RFC1: variants seen among roughly 807,000 people sequenced by gnomAD.
RFC1 encodes A1 140 kDa subunit.
Under a neutral mutation model 137.4 loss-of-function variants are expected in RFC1, and 37 were observed. That is an observed-to-expected ratio of 0.27 (90% CI 0.21 to 0.35). The LOEUF (loss-of-function observed/expected upper bound fraction) is 0.35, where lower values mean the gene tolerates loss of function less well. RFC1 is among the 10% of genes least tolerant of loss of function. The pLI is 1.00. For missense variants in RFC1, 1,205 were observed against 1,358.5 expected (o/e 0.89, Z 1.78); for synonymous variants, 429 against 455.7 (o/e 0.94, Z 0.75).
At chr4:39,337,596 A>G (rs970599703) in intron 4 of RFC1, among the ~76,000 whole-genome samples, 2 of 152,146 alleles carry the variant, frequency 1.3e-5, no homozygotes, top group Admixed American at 1.3e-4. Context: ...AAGTATAATC[A>G]AAAAAATACA....
At chr4:39,321,414 G>GA (rs758009993) in intron 7 of RFC1, 40 bp from the exon 8 acceptor site, 7 of 1,555,566 alleles carry the variant, frequency 4.5e-6, no homozygotes, top group Non-Finnish European at 6.2e-6. Flanking sequence ...ACAAATAATA[G>GA]AAAAACTATT....
chr4:39,332,989 C>T (rs1443996951), intron 4 of RFC1, among the ~76,000 whole-genome samples: 1 of 152,138 alleles, frequency 6.6e-6, no homozygotes, highest in Non-Finnish European at 1.5e-5. Flanking sequence ...AGGCTAAGTG[C>T]CCAGTGTAGC....
At chr4:39,358,921 T>A (rs149770252) in intron 1 of RFC1, among the ~76,000 whole-genome samples, 6 of 152,294 alleles carry the variant, frequency 3.9e-5, no homozygotes, top group Non-Finnish European at 7.4e-5. Context: ...TGTCTGTTTC[T>A]CCAGACCAGC....
chr4:39,350,568 A>T (rs1741134998), intron 2 of RFC1, among the ~76,000 whole-genome samples: 1 of 152,098 alleles, frequency 6.6e-6, no homozygotes, highest in Admixed American at 6.5e-5. Context: ...AAGCCAAAAA[A>T]CAGTGGAACA....
rs79242843 is a variant in RFC1, at chr4:39,357,376, A to G, written c.4-5900T>C. ...GACTACGCATTCAATGAAATACTCT[A>G]TCACAGAAGTTTCCAGGTACCTGAT... On this transcript the variant is annotated intron_variant, in intron 1 of 24. Coordinates refer to ENST00000349703, the MANE Select transcript of RFC1 (RefSeq NM_002913.5). Among the ~76,000 whole-genome samples the G allele has an allele frequency of 3.2e-3, 490 of 152,336 alleles. 2 individuals carry two copies. The highest frequency in any genetic ancestry group is 0.011 in the African/African-American group (470 of 41,564).
At chr4:39,346,689 TTGCAAGAAAA>T (rs1740878663) in intron 2 of RFC1, among the ~76,000 whole-genome samples, 1 of 152,088 alleles carries the variant, frequency 6.6e-6, no homozygotes, top group Non-Finnish European at 1.5e-5. Flanking sequence ...ATCAACTAGC[TTGCAAGAAAA>T]TGGAACAAAT....
intron 4 of RFC1, among the ~76,000 whole-genome samples, chr4:39,330,284 A>C (rs532163216): frequency 6.6e-6 from 1 of 152,324 alleles, no homozygotes; most frequent in South Asian, 2.1e-4. Flanking sequence ...AAAAGGATTC[A>C]GCCTTACCTT....
intron 1 of RFC1, among the ~76,000 whole-genome samples, chr4:39,355,102 CA>C (rs1741403915): frequency 2.1e-5 from 1 of 46,850 alleles, no homozygotes; most frequent in Non-Finnish European, 5.2e-5. Context: ...AAAAAATACA[CA>C]CACACACACA....
intron 1 of RFC1, among the ~76,000 whole-genome samples, chr4:39,354,614 A>G (rs530536902): frequency 4.9e-4 from 74 of 152,220 alleles, no homozygotes; most frequent in African/African-American, 1.5e-3. Context: ...TGCCATAAAC[A>G]AAGTTAAAAT....
At chr4:39,294,117 T>A (rs1737844186) in intron 22 of RFC1, among the ~76,000 whole-genome samples, 1 of 152,192 alleles carries the variant, frequency 6.6e-6, no homozygotes, top group South Asian at 2.1e-4. Context: ...TCTTGATAAA[T>A]TTGTGTTGTT....
At chr4:39,327,862 T>A (rs1358331829) in intron 4 of RFC1, 106 bp from the exon 5 acceptor site, 3 of 854,124 alleles carry the variant, frequency 3.5e-6, no homozygotes, top group Non-Finnish European at 3.5e-6. Context: ...CTAGACATGG[T>A]GGCTCATGCT....
Position 39,288,916 on chromosome 4 carries a change from ACAAAT to A in RFC1, c.3361-77_3361-73del, listed in dbSNP as rs1737516212. ...TAAATGAAATAAGTTCATCTCTATA[ACAAAT>A]CTAATCTTTACCTGCAACTTAATTA... On this transcript the variant is annotated intron_variant, in intron 24 of 24. Coordinates refer to ENST00000349703, the MANE Select transcript of RFC1 (RefSeq NM_002913.5). 34 of 968,616 alleles carry A rather than the reference ACAAAT, an allele frequency of 3.5e-5. No homozygotes were observed. In the South Asian group the frequency reaches 4.5e-4, roughly 13 times the overall value. 60.0% of individuals were successfully genotyped at this position (968,616 alleles called of 1,614,324 possible). A position where few individuals can be genotyped will look rare whatever the true frequency, so the allele number is the denominator to read the frequency against.
intron 4 of RFC1, chr4:39,341,522 A>C (rs1436187512): frequency 2.3e-6 from 1 of 434,512 alleles, no homozygotes; most frequent in African/African-American, 2.0e-5. Flanking sequence ...TTTCATCAAC[A>C]AATGTTTCAC....
In RFC1 at chr4:39,293,488, A is replaced by C. The variant is rs371148576; in HGVS notation, c.2955-1636T>G. ...ATCTATGACTCCCAAAAAGGTTACAAACCAATAAGATCACTCTTCCATTTT... is the reference window on the plus strand; with the variant it reads ...ATCTATGACTCCCAAAAAGGTTACACACCAATAAGATCACTCTTCCATTTT... On this transcript the variant is annotated intron_variant, in intron 22 of 24. Coordinates refer to ENST00000349703, the MANE Select transcript of RFC1 (RefSeq NM_002913.5). Among the ~76,000 whole-genome samples the C allele has an allele frequency of 9.8e-5, 15 of 152,318 alleles. No homozygotes were observed. In the East Asian group the frequency reaches 2.9e-3, roughly 29 times the overall value.
chr4:39,342,448 C>A lies in RFC1; in HGVS notation c.228G>T (p.Thr76=). The change falls in exon 4 of 25, where the codon ACG becomes ACT. Residue 76 remains threonine (T), a synonymous_variant. Transcript: ENST00000349703. Reference sequence around the variant, plus strand: ...GCTTTTTGGCATTTTTTACCTGCAACGTCTCCTCTGACTCTGAATCTGTAT... The same window carrying A: ...GCTTTTTGGCATTTTTTACCTGCAAAGTCTCCTCTGACTCTGAATCTGTAT... ...IYDSDSESEE[T]LQVKNAKKPP... The A allele has an allele frequency of 6.2e-7, 1 of 1,612,768 alleles. No individual in the cohort carries two copies. Among genetic ancestry groups the A allele is most frequent in the Non-Finnish European group, 8.5e-7 (1 of 1,179,180 alleles).
At chr4:39,313,377 T>C (rs1209667837) in intron 10 of RFC1, among the ~76,000 whole-genome samples, 5 of 152,230 alleles carry the variant, frequency 3.3e-5, no homozygotes, top group Non-Finnish European at 7.3e-5. Context: ...TCCTATCATT[T>C]TGATGTTTCT....
At chr4:39,349,679 A>G (rs1741086533) in intron 2 of RFC1, among the ~76,000 whole-genome samples, 1 of 152,222 alleles carries the variant, frequency 6.6e-6, no homozygotes, top group Admixed American at 6.5e-5. Context: ...TTGATACAAC[A>G]CAGATGTCAG....
chr4:39,356,385 G>A (rs1462625232), intron 1 of RFC1, among the ~76,000 whole-genome samples: 1 of 152,150 alleles, frequency 6.6e-6, no homozygotes, highest in Non-Finnish European at 1.5e-5. Context: ...GGGAAAAAGT[G>A]CAAAACTCCG....
At chr4:39,330,310 A>G (rs1282873330) in intron 4 of RFC1, among the ~76,000 whole-genome samples, 1 of 152,208 alleles carries the variant, frequency 6.6e-6, no homozygotes, top group Non-Finnish European at 1.5e-5. Context: ...TATTATATTT[A>G]TATTAAAATG....
Sources: gnomAD v4.1 joint callset for allele counts (sites outside exome capture counted in the v4.1 genomes callset) on GRCh38, gnomAD v4.1.1 for gene constraint, MANE v1.5 for transcripts, NCBI Gene and HGNC (gene_info 2026-07-23, HGNC 2026-07-21) for gene names.